TMC2: variants seen among roughly 807,000 people sequenced by gnomAD.
TMC2 encodes the protein transmembrane channel like 2.
Under a neutral mutation model 105.9 loss-of-function variants are expected in TMC2, and 102 were observed. The observed-to-expected ratio is 0.96, with a 90% confidence interval of 0.82 to 1.14. TMC2 has a LOEUF of 1.14. Ranked by LOEUF, TMC2 falls within the 50% of genes most tolerant of loss-of-function variation. The pLI is 0.00. For synonymous variants in TMC2, 402 were observed against 422.8 expected, an observed-to-expected ratio of 0.95 and a Z score of 0.60; for missense variants, 1,093 against 1,134.3, an observed-to-expected ratio of 0.96 and a Z score of 0.52.
chr20:2,577,835 C>A (rs1019498397), intron 5 of TMC2, among the ~76,000 whole-genome samples: 1 of 152,046 alleles, frequency 6.6e-6, no homozygotes, highest in African/African-American at 2.4e-5. Flanking sequence ...GTCAAGGCTG[C>A]AGTGAGCCAT....
At position 2,558,829 on chromosome 20, in the gene TMC2, G is replaced by C. The variant is rs1023881049; in HGVS notation, c.401+55G>C. The C allele has an allele frequency of 6.1e-6, 9 of 1,471,568 alleles. No individual in the cohort carries two copies. Among genetic ancestry groups the C allele is most frequent in the Non-Finnish European group, 8.1e-6 (9 of 1,109,188 alleles). The allele number at this position is 1,471,568 out of a possible 1,614,324, so 91.2% of individuals were successfully genotyped here. ...GCTCCGCGCGCTCCCGCTCCTTCGC[G>C]GCCCTTCCCCTTCCCCCGTGAGGGA... On this transcript the variant is annotated intron_variant, in intron 3 of 19. Coordinates refer to ENST00000358864, the MANE Select transcript of TMC2 (RefSeq NM_080751.3). This position sits in a 1 kb window ranked among gnomAD's most constrained non-coding sequence, Gnocchi z 4.6.
intron 2 of TMC2, among the ~76,000 whole-genome samples, chr20:2,545,667 C>CA: frequency 7.3e-6 from 1 of 137,146 alleles, no homozygotes; most frequent in Admixed American, 7.5e-5. Context: ...CTAAAGCAAA[C>CA]AAAAGAAGAA....
chr20:2,549,579 C>T (rs976241836), intron 2 of TMC2, among the ~76,000 whole-genome samples: 2 of 151,930 alleles, frequency 1.3e-5, no homozygotes, highest in African/African-American at 2.4e-5. Flanking sequence ...CCTGTCTCTA[C>T]TGAAAATACA....
At chr20:2,626,943 G>T (rs1245356822) in intron 17 of TMC2, among the ~76,000 whole-genome samples, 1 of 152,238 alleles carries the variant, frequency 6.6e-6, no homozygotes, top group African/African-American at 2.4e-5. Flanking sequence ...AGCTTCTACA[G>T]CCCTTCGTAT....
intron 11 of TMC2, among the ~76,000 whole-genome samples, chr20:2,603,963 C>T (rs1028811812): frequency 6.6e-6 from 1 of 151,900 alleles, no homozygotes; most frequent in Non-Finnish European, 1.5e-5. Context: ...TATTTCCAGG[C>T]CTTCATACCC....
At chr20:2,591,781 G>A (rs1391935676) in intron 7 of TMC2, among the ~76,000 whole-genome samples, 1 of 151,950 alleles carries the variant, frequency 6.6e-6, no homozygotes, top group African/African-American at 2.4e-5. Flanking sequence ...GAAAAGAAAC[G>A]CTCTTCTGTA....
intron 16 of TMC2, among the ~76,000 whole-genome samples, chr20:2,619,353 A>C (rs1218759510): frequency 6.6e-6 from 1 of 152,174 alleles, no homozygotes; most frequent in African/African-American, 2.4e-5. Flanking sequence ...TTTCTGCAGC[A>C]GCATCAAGGG....
chr20:2,596,597 C>A (rs2086308371), intron 9 of TMC2, among the ~76,000 whole-genome samples: 1 of 148,318 alleles, frequency 6.7e-6, no homozygotes, highest in African/African-American at 2.5e-5. Context: ...CAGGCCACTG[C>A]ACTCCAGCCT....
At chr20:2,599,517 C>A (rs1170688354) in intron 10 of TMC2, among the ~76,000 whole-genome samples, 1 of 116,580 alleles carries the variant, frequency 8.6e-6, no homozygotes, top group Non-Finnish European at 1.8e-5. Context: ...CCAAGTTCTT[C>A]GTTTTTTTTT....
intron 16 of TMC2, among the ~76,000 whole-genome samples, chr20:2,622,430 G>A (rs1021066796): frequency 6.6e-6 from 1 of 152,174 alleles, no homozygotes; most frequent in African/African-American, 2.4e-5. Flanking sequence ...TACTTTGGGA[G>A]GCCAAAGCAG....
chr20:2,608,404 T>C (rs2146233114), intron 11 of TMC2, among the ~76,000 whole-genome samples: 1 of 151,744 alleles, frequency 6.6e-6, no homozygotes, highest in Non-Finnish European at 1.5e-5. Flanking sequence ...TTCAGTTCAC[T>C]GCAACCTCCG....
intron 10 of TMC2, among the ~76,000 whole-genome samples, chr20:2,600,999 A>G (rs1160299044): frequency 4.6e-5 from 7 of 151,662 alleles, no homozygotes; most frequent in East Asian, 1.9e-4. Flanking sequence ...AAAAAAAAAA[A>G]AAAAAAGAAA....
At chr20:2,600,943 T>C (rs1390872329) in intron 10 of TMC2, among the ~76,000 whole-genome samples, 2 of 134,192 alleles carry the variant, frequency 1.5e-5, no homozygotes, top group East Asian at 4.3e-4. Context: ...GCCGAGATCA[T>C]GCCACTGCAC....
At chr20:2,613,369 T>C in intron 14 of TMC2, 47 bp downstream of exon 14, 2 of 1,612,728 alleles carry the variant, frequency 1.2e-6, no homozygotes. Flanking sequence ...ATTTCAACTA[T>C]CTTCTTTGAT....
intron 17 of TMC2, among the ~76,000 whole-genome samples, chr20:2,629,652 T>A (rs1409655639): frequency 6.6e-6 from 1 of 151,962 alleles, no homozygotes; most frequent in Non-Finnish European, 1.5e-5. Flanking sequence ...GGTAGGCCCA[T>A]GCCAAGGGGC....
chr20:2,544,559 G>T (rs2122798745), intron 2 of TMC2, among the ~76,000 whole-genome samples: 1 of 152,240 alleles, frequency 6.6e-6, no homozygotes. Context: ...TATAAGTACA[G>T]CATTCTTCCA....
intron 4 of TMC2, among the ~76,000 whole-genome samples, chr20:2,571,151 G>A (rs552913757): frequency 6.6e-6 from 1 of 152,200 alleles, no homozygotes; most frequent in South Asian, 2.1e-4. Flanking sequence ...TTGACACATG[G>A]GACCTAATCA....
intron 14 of TMC2, among the ~76,000 whole-genome samples, chr20:2,615,725 C>A (rs1464581966): frequency 2.6e-5 from 4 of 152,148 alleles, no homozygotes; most frequent in Non-Finnish European, 5.9e-5. Flanking sequence ...TCTTTTGACT[C>A]CTCATTTAAT....
chr20:2,542,561 G>A (rs1304771598), intron 2 of TMC2, among the ~76,000 whole-genome samples: 6 of 152,090 alleles, frequency 3.9e-5, no homozygotes, highest in African/African-American at 1.4e-4. Context: ...ATGCCGAAGT[G>A]GCATATTTTG....
Sources: gnomAD v4.1 joint callset for allele counts (sites outside exome capture counted in the v4.1 genomes callset) on GRCh38, gnomAD v4.1.1 for gene constraint, Gnocchi (gnomAD v3.1) non-coding constraint, MANE v1.5 for transcripts, NCBI Gene and HGNC (gene_info 2026-07-23, HGNC 2026-07-21) for gene names.